CALD1: variants seen among roughly 807,000 people sequenced by gnomAD.
CALD1 encodes the protein caldesmon 1, also known as caldesmon.
In CALD1, 33 loss-of-function variants were observed where a neutral mutation model predicts 99.9. The observed-to-expected ratio is 0.33, with a 90% CI of 0.25 to 0.44. CALD1 has a LOEUF of 0.44. Ranked by LOEUF, CALD1 falls within the 20% of genes least tolerant of loss-of-function variation. CALD1 has a pLI of 1.00. For missense variants in CALD1, 861 were observed against 962.1 expected (o/e 0.89, Z 1.39); for synonymous variants, 310 against 325.0 (o/e 0.95, Z 0.50).
At chr7:134,722,433 G>GTTTT in the CALD1 span, among the ~76,000 whole-genome samples, 3 of 150,788 alleles carry the variant, frequency 2.0e-5, no homozygotes, top group Non-Finnish European at 4.4e-5. Context: ...TTGTTTGTTT[G>GTTTT]TTTCTGAGAT....
At chr7:134,711,680 A>ATATATATATATG in the CALD1 span, among the ~76,000 whole-genome samples, 1 of 109,586 alleles carries the variant, frequency 9.1e-6, no homozygotes, top group African/African-American at 3.9e-5. Context: ...ATATATATAT[A>ATATATATATATG]TGTGTGTGTG....
At position 134,968,917 on chromosome 7, in the gene CALD1, T is replaced by C. The variant is rs937429084; in HGVS notation, c.*572T>C. On this transcript the variant is annotated 3_prime_UTR_variant, in exon 15 of 15. Transcript: ENST00000361675. ...TACTTTTTTTCATGCTGATGATTCA[T>C]ATCTAAATTACATTATTATGTTAGC... 16 of 181,338 alleles carry C rather than the reference T, an allele frequency of 8.8e-5. No homozygotes were observed. Among genetic ancestry groups the C allele is most frequent in the African/African-American group, 3.5e-4 (15 of 42,416 alleles). 11.2% of individuals were successfully genotyped at this position (181,338 alleles called of 1,614,324 possible). A position where few individuals can be genotyped will look rare whatever the true frequency, so the allele number is the denominator to read the frequency against.
At chr7:134,922,633 G>A (rs968531371) in intron 3 of CALD1, among the ~76,000 whole-genome samples, 4 of 152,188 alleles carry the variant, frequency 2.6e-5, no homozygotes, top group African/African-American at 9.6e-5. Context: ...AGGAAAACTC[G>A]TTCCTTGCTC....
intron 1 of CALD1, among the ~76,000 whole-genome samples, chr7:134,793,107 G>A (rs1416861138): frequency 6.6e-6 from 1 of 152,218 alleles, no homozygotes. Flanking sequence ...CAGTGGGAAG[G>A]CTTGGCCAGG....
intron 6 of CALD1, among the ~76,000 whole-genome samples, chr7:134,937,850 C>T (rs187736623): frequency 3.3e-4 from 50 of 152,296 alleles, no homozygotes; most frequent in Middle Eastern, 6.8e-3. Context: ...GAGTTGCAGA[C>T]GATCACCAAC....
chr7:134,824,292 C>G (rs371429160), intron 1 of CALD1, among the ~76,000 whole-genome samples: 1 of 152,238 alleles, frequency 6.6e-6, no homozygotes, highest in African/African-American at 2.4e-5. Context: ...TACACATGAC[C>G]GCTGAAACAA....
the CALD1 span, among the ~76,000 whole-genome samples, chr7:134,723,534 CTTTTTTTT>C: frequency 9.1e-5 from 8 of 87,670 alleles, no homozygotes; most frequent in Non-Finnish European, 1.4e-4. Flanking sequence ...GAAAAGGTAA[CTTTTTTTT>C]TTTTTTTTTT....
intron 1 of CALD1, among the ~76,000 whole-genome samples, chr7:134,820,550 A>G (rs886084726): frequency 1.3e-5 from 2 of 152,202 alleles, no homozygotes; most frequent in Non-Finnish European, 2.9e-5. Context: ...TTACAAGGAG[A>G]AAAATCATTT....
intron 3 of CALD1, among the ~76,000 whole-genome samples, chr7:134,893,187 T>C (rs1586223554): frequency 6.6e-6 from 1 of 152,174 alleles, no homozygotes; most frequent in East Asian, 1.9e-4. Context: ...TGCCATTTCC[T>C]GGATTTCAAC....
At chr7:134,884,309 G>GACATGAA in intron 3 of CALD1, among the ~76,000 whole-genome samples, 1 of 152,122 alleles carries the variant, frequency 6.6e-6, no homozygotes, top group Non-Finnish European at 1.5e-5. Context: ...TCCACTTGGA[G>GACATGAA]AAGTGTTTCC....
At chr7:134,892,524 T>C (rs573312690) in intron 3 of CALD1, among the ~76,000 whole-genome samples, 15 of 152,336 alleles carry the variant, frequency 9.8e-5, no homozygotes, top group Admixed American at 7.2e-4. Context: ...TGACAATTGT[T>C]GTTCCAGTTG....
rs532522141 is a variant in CALD1 at position 134,891,258 on chromosome 7, C to T, written c.71+23454C>T. 2.1e-5 allele frequency: 9 copies of T among 438,670 alleles called. No homozygotes were observed. In the South Asian group the frequency reaches 6.3e-4, roughly 31 times the overall value. 27.2% of individuals were successfully genotyped at this position (438,670 alleles called of 1,614,324 possible). ...CTTCATCAGGAAAACTACTGGAGATCCTGGCCCTGACTACCCAGCAATAAC... is the reference window on the plus strand; with the variant it reads ...CTTCATCAGGAAAACTACTGGAGATTCTGGCCCTGACTACCCAGCAATAAC... On this transcript the variant is annotated intron_variant, in intron 3 of 14. Coordinates refer to ENST00000361675, the MANE Select transcript of CALD1 (RefSeq NM_033138.4).
At chr7:134,820,533 C>T (rs534811492) in intron 1 of CALD1, among the ~76,000 whole-genome samples, 17 of 152,238 alleles carry the variant, frequency 1.1e-4, no homozygotes, top group South Asian at 4.1e-4. Flanking sequence ...TTTGAAGTAA[C>T]GTCATATTAC....
At position 134,970,161 on chromosome 7, in the gene CALD1, A is replaced by G. The variant is rs1366953149; in HGVS notation, c.*1816A>G. On this transcript the variant is annotated 3_prime_UTR_variant, in exon 15 of 15. Coordinates refer to ENST00000361675, the MANE Select transcript of CALD1 (RefSeq NM_033138.4). ...CTCATGACAAAGTAGGCACAAGTCT[A>G]CAATAAGCTAAATCAGAATTTACAA... 6.6e-6 allele frequency: 1 copy of G among 152,258 alleles called. No individual in the cohort carries two copies. The highest frequency in any genetic ancestry group is 1.5e-5 in the Non-Finnish European group (1 of 68,048). The allele number at this position is 152,258 out of a possible 1,614,324, so 9.4% of individuals were successfully genotyped here.
intron 3 of CALD1, among the ~76,000 whole-genome samples, chr7:134,872,852 T>C (rs1283939959): frequency 1.3e-5 from 2 of 152,230 alleles, no homozygotes; most frequent in African/African-American, 4.8e-5. Context: ...TTGCTGTTTA[T>C]TATTCTCCAC....
upstream of CALD1, among the ~76,000 whole-genome samples, chr7:134,739,270 G>A (rs921083360): frequency 1.3e-5 from 2 of 152,160 alleles, no homozygotes; most frequent in Non-Finnish European, 2.9e-5. Context: ...GACCAAGATA[G>A]TCTCTTAAGC....
intron 1 of CALD1, among the ~76,000 whole-genome samples, chr7:134,829,399 C>T (rs1799132738): frequency 6.6e-6 from 1 of 152,186 alleles, no homozygotes; most frequent in African/African-American, 2.4e-5. Flanking sequence ...TTGGTGTTTT[C>T]AGGGTGTTGC....
chr7:134,816,026 C>T (rs1450460693), intron 1 of CALD1, among the ~76,000 whole-genome samples: 2 of 152,148 alleles, frequency 1.3e-5, no homozygotes, highest in African/African-American at 2.4e-5. Flanking sequence ...AGATCCAGAA[C>T]ATTTGTTTTG....
At chr7:134,827,401 C>T (rs1421651477) in intron 1 of CALD1, among the ~76,000 whole-genome samples, 1 of 152,028 alleles carries the variant, frequency 6.6e-6, no homozygotes, top group East Asian at 1.9e-4. Context: ...CATTTTTTGC[C>T]ATTTGCTGAG....
Sources: allele counts gnomAD v4.1 joint callset (sites outside exome capture counted in the v4.1 genomes callset), GRCh38; gene constraint gnomAD v4.1.1; transcripts MANE v1.5; gene names NCBI Gene and HGNC (gene_info 2026-07-23, HGNC 2026-07-21).